Variants in NRG3 observed in about 807,000 individuals in gnomAD.
The protein encoded by NRG3 is neuregulin 3, also known as pro-neuregulin-3, membrane-bound isoform.
A neutral mutation model predicts 66.9 loss-of-function variants in NRG3; 31 were observed. That is an observed-to-expected ratio of 0.46 (90% CI 0.35 to 0.63). The LOEUF (loss-of-function observed/expected upper bound fraction) is 0.63. NRG3 is among the 20% of genes least tolerant of loss of function. The pLI, the probability that NRG3 is intolerant of heterozygous loss-of-function variation, is 0.00. For synonymous variants in NRG3, 393 were observed against 359.4 expected (o/e 1.09, Z -1.06); for missense variants, 910 against 878.9 (o/e 1.04, Z -0.45).
intron 1 of NRG3, among the ~76,000 whole-genome samples, chr10:82,110,632 A>G (rs2067330795): frequency 6.6e-6 from 1 of 152,018 alleles, no homozygotes; most frequent in Non-Finnish European, 1.5e-5. Flanking sequence ...AGATTTTGTT[A>G]TGAATTGAAT....
At chr10:82,154,991 C>T (rs1014727317) in intron 1 of NRG3, among the ~76,000 whole-genome samples, 6 of 151,866 alleles carry the variant, frequency 4.0e-5, no homozygotes, top group Admixed American at 1.3e-4. Flanking sequence ...CATCAGCAAA[C>T]GGAGACAATT....
At chr10:82,908,020 A>G (rs1027466101) in intron 4 of NRG3, among the ~76,000 whole-genome samples, 1 of 152,220 alleles carries the variant, frequency 6.6e-6, no homozygotes, top group East Asian at 1.9e-4. Context: ...TTATGAAGAC[A>G]TTATGGATAA....
intron 1 of NRG3, among the ~76,000 whole-genome samples, chr10:82,268,045 AT>A (rs1049284226): frequency 3.3e-5 from 5 of 152,172 alleles, no homozygotes; most frequent in African/African-American, 1.2e-4. Flanking sequence ...ATCACTGAGT[AT>A]TTTTTAAGCT....
chr10:82,756,609 A>C (rs75663917), intron 3 of NRG3, among the ~76,000 whole-genome samples: 4,800 of 152,184 alleles, frequency 0.032, 265 homozygotes, highest in African/African-American at 0.11. Flanking sequence ...AAAGAAATAT[A>C]TGGATCCTGT....
At chr10:81,888,275 A>G (rs1232469416) in intron 1 of NRG3, among the ~76,000 whole-genome samples, 2 of 152,130 alleles carry the variant, frequency 1.3e-5, no homozygotes, top group African/African-American at 4.8e-5. Context: ...TTTATATTCA[A>G]TAAAACCCTA....
Position 82,925,982 on chromosome 10 carries a change from T to C in NRG3, c.1055-25487T>C, listed in dbSNP as rs538324062. ...GTCAGGCAGATCATTCAGGGAGAGA[T>C]TGTTTTAAAGGTTTAGCTAAAAGCC... On this transcript the variant is annotated intron_variant, in intron 4 of 8. Coordinates refer to ENST00000372141, the MANE Select transcript of NRG3 (RefSeq NM_001010848.4). 1.2e-4 allele frequency among the ~76,000 whole-genome samples: 18 copies of C among 152,190 alleles called. No individual in the cohort carries two copies. In the South Asian group the frequency reaches 2.3e-3, roughly 19 times the overall value.
chr10:82,222,840 G>A lies in NRG3; in HGVS notation c.824-135899G>A, dbSNP rs973209266. Among the ~76,000 whole-genome samples, 10 of 152,234 alleles carry A rather than the reference G, an allele frequency of 6.6e-5. No individual in the cohort carries two copies. In the South Asian group the frequency reaches 1.2e-3, roughly 19 times the overall value. On this transcript the variant is annotated intron_variant, in intron 1 of 8. Transcript: ENST00000372141. Reference sequence around the variant, plus strand: ...ATGTGGATTTCTAGTATGATTTTCCGTGGTAATTTTCTGTATGTCACATAT... The same window carrying A: ...ATGTGGATTTCTAGTATGATTTTCCATGGTAATTTTCTGTATGTCACATAT...
intron 2 of NRG3, among the ~76,000 whole-genome samples, chr10:82,501,102 G>A (rs1333272452): frequency 1.3e-5 from 2 of 152,150 alleles, no homozygotes; most frequent in Admixed American, 6.5e-5. Context: ...GTAGGCTATT[G>A]TTGCAAACTA....
At chr10:82,017,573 T>C (rs543864222) in intron 1 of NRG3, among the ~76,000 whole-genome samples, 9,327 of 152,154 alleles carry the variant, frequency 0.061, 382 homozygotes, top group Non-Finnish European at 0.089. Flanking sequence ...AAAGTGTTCC[T>C]ATTTCTCCAC....
intron 3 of NRG3, among the ~76,000 whole-genome samples, chr10:82,844,549 A>G (rs1052873725): frequency 1.1e-4 from 17 of 152,204 alleles, no homozygotes; most frequent in Non-Finnish European, 1.9e-4. Context: ...ATTGAGATTC[A>G]ACATTCTTAT....
intron 1 of NRG3, among the ~76,000 whole-genome samples, chr10:82,087,296 T>C (rs1202274157): frequency 6.6e-6 from 1 of 152,098 alleles, no homozygotes; most frequent in Non-Finnish European, 1.5e-5. Context: ...CTTAGTCACA[T>C]CCCTTCATTC....
chr10:82,620,221 C>CACTT (rs2048950391), intron 2 of NRG3, among the ~76,000 whole-genome samples: 1 of 152,100 alleles, frequency 6.6e-6, no homozygotes, highest in Non-Finnish European at 1.5e-5. Flanking sequence ...TGCCTTGTCG[C>CACTT]GTGGGGCTGC....
At chr10:82,882,162 C>G (rs575694645) in intron 4 of NRG3, among the ~76,000 whole-genome samples, 4 of 152,182 alleles carry the variant, frequency 2.6e-5, no homozygotes, top group African/African-American at 4.8e-5. Context: ...CCTAATACAT[C>G]GTTCATGCAG....
intron 1 of NRG3, among the ~76,000 whole-genome samples, chr10:81,956,159 A>G (rs1849811818): frequency 6.6e-6 from 1 of 152,172 alleles, no homozygotes; most frequent in Non-Finnish European, 1.5e-5. Context: ...GTCCCCACCA[A>G]TAGAATACAG....
chr10:82,842,694 G>C (rs2063119476), intron 3 of NRG3, among the ~76,000 whole-genome samples: 1 of 152,056 alleles, frequency 6.6e-6, no homozygotes, highest in East Asian at 1.9e-4. Context: ...TGAAACCATG[G>C]ATATTACTGA....
intron 1 of NRG3, among the ~76,000 whole-genome samples, chr10:82,005,178 C>CA (rs2061336490): frequency 6.6e-6 from 1 of 152,228 alleles, no homozygotes; most frequent in Admixed American, 6.5e-5. Flanking sequence ...GTTTCCTTGG[C>CA]AAAAGCCTTG....
intron 1 of NRG3, chr10:81,889,742 T>A (rs1472332283): frequency 2.0e-5 from 3 of 152,226 alleles, no homozygotes; most frequent in African/African-American, 7.2e-5. Context: ...ATATTTTTAG[T>A]TTATCTATTT....
At chr10:82,070,855 G>A (rs2064768290) in intron 1 of NRG3, among the ~76,000 whole-genome samples, 1 of 151,964 alleles carries the variant, frequency 6.6e-6, no homozygotes, top group South Asian at 2.1e-4. Context: ...AATGAAAAAG[G>A]CACAACTTTC....
chr10:81,888,155 C>T (rs556206182), intron 1 of NRG3, among the ~76,000 whole-genome samples: 16 of 152,198 alleles, frequency 1.1e-4, no homozygotes, highest in Admixed American at 1.0e-3. Context: ...CAAAGAGGGT[C>T]TTCCTGGCTT....
Sources: allele counts gnomAD v4.1 joint callset (sites outside exome capture counted in the v4.1 genomes callset), GRCh38; gene constraint gnomAD v4.1.1; transcripts MANE v1.5; gene names NCBI Gene and HGNC (gene_info 2026-07-23, HGNC 2026-07-21).